ITGA2: variants seen among roughly 807,000 people sequenced by gnomAD.
ITGA2 encodes integrin alpha-2.
Under a neutral mutation model 146.3 loss-of-function variants are expected in ITGA2, and 101 were observed. The ratio of observed to expected loss-of-function variants is 0.69; its 90% CI spans 0.59 to 0.81. The LOEUF (loss-of-function observed/expected upper bound fraction) is 0.81, where lower values mean the gene tolerates loss of function less well. Ranked by LOEUF, ITGA2 falls within the 40% of genes least tolerant of loss-of-function variation. ITGA2 has a pLI of 0.00. For missense variants in ITGA2, 1,281 were observed against 1,402.7 expected, an observed-to-expected ratio of 0.91 and a Z score of 1.39; for synonymous variants, 477 against 487.1, an observed-to-expected ratio of 0.98 and a Z score of 0.27.
At chr5:53,024,709 G>T (rs990277095) in intron 1 of ITGA2, among the ~76,000 whole-genome samples, 9 of 152,204 alleles carry the variant, frequency 5.9e-5, no homozygotes, top group Non-Finnish European at 2.9e-5. Flanking sequence ...GGAACAGGCA[G>T]CTGCAAAGCG....
At chr5:53,013,489 C>A (rs553305083) in intron 1 of ITGA2, among the ~76,000 whole-genome samples, 1 of 151,980 alleles carries the variant, frequency 6.6e-6, no homozygotes, top group South Asian at 2.1e-4. Flanking sequence ...GTACCAGTAC[C>A]ATGTTGTTTT....
intron 1 of ITGA2, among the ~76,000 whole-genome samples, chr5:53,005,144 G>C (rs887967454): frequency 6.6e-6 from 1 of 151,852 alleles, no homozygotes; most frequent in African/African-American, 2.4e-5. Flanking sequence ...GTCAGGGTCT[G>C]AGTAACCCCA....
At position 53,073,127 on chromosome 5, in the gene ITGA2, C is replaced by T. The variant is rs371216954; in HGVS notation, c.2439C>T (p.Pro813=). 2.5e-5 allele frequency: 41 copies of T among 1,611,898 alleles called. No homozygotes were observed. In the Middle Eastern group the frequency reaches 6.6e-4, roughly 26 times the overall value. Residue 813 remains proline (P), a synonymous_variant, in exon 20 of 30, where the codon CCC becomes CCT. Transcript: ENST00000296585. ...TTTTTACTTTTAACAGAGAACAACC[C>T]TTTATTGTCAGCAACCAAAACAAAA... is the stretch of plus-strand genomic sequence containing the variant. ...VRQIPAAQEQ[P]FIVSNQNKRL... is the part of the protein sequence containing the mutation.
In ITGA2 at chr5:53,072,524, T is replaced by C. The variant is rs1372427194; in HGVS notation, c.2347-89T>C. ...GAACATTGTTTGGTTTTGTACTTTA[T>C]GTAAATAGAATAATATTCTATGTAT... is the stretch of plus-strand genomic sequence containing the variant. On this transcript the variant is annotated intron_variant, in intron 18 of 29. Transcript: ENST00000296585. 4 of 838,244 alleles carry C rather than the reference T, an allele frequency of 4.8e-6. No homozygotes were observed. The African/African-American group carries it at 5.1e-5, about 11-fold the overall frequency. 51.9% of individuals were successfully genotyped at this position (838,244 alleles called of 1,614,324 possible). A position where few individuals can be genotyped will look rare whatever the true frequency, so the allele number is the denominator to read the frequency against.
chr5:53,058,133 G>T, intron 10 of ITGA2, 32 bp downstream of exon 10: 1 of 1,508,380 alleles, frequency 6.6e-7, no homozygotes, highest in Non-Finnish European at 9.2e-7. Context: ...AAGCCATGTT[G>T]TCATTTGGCA....
chr5:53,075,809 G>T (rs138183206), intron 23 of ITGA2, among the ~76,000 whole-genome samples: 44 of 152,130 alleles, frequency 2.9e-4, no homozygotes, highest in African/African-American at 1.0e-3. Context: ...ACTAGATCAA[G>T]TCTAGTTTCT....
rs1392945070 is a variant in ITGA2 at position 53,059,875 on chromosome 5, A to G, written c.1175A>G (p.Asp392Gly). 5.0e-6 allele frequency: 8 copies of G among 1,611,666 alleles called. No individual in the cohort carries two copies. In the South Asian group the frequency reaches 7.7e-5, roughly 15 times the overall value. Reference sequence around the variant, plus strand: ...ATCTTCATTTTTCAATTATTTTAGGATATTCTGATGCTGGGTGCAGTGGGA... The same window carrying G: ...ATCTTCATTTTTCAATTATTTTAGGGTATTCTGATGCTGGGTGCAGTGGGA... ...GFSADYSSQN[D>G]ILMLGAVGAF... is the part of the protein sequence containing the mutation. The change falls in exon 11 of 30, where the codon GAT becomes GGT. Residue 392 changes from aspartate (D) to glycine (G), a missense_variant and splice_region_variant. Transcript: ENST00000296585.
At chr5:52,992,404 A>G (rs918281871) in intron 1 of ITGA2, among the ~76,000 whole-genome samples, 2 of 152,144 alleles carry the variant, frequency 1.3e-5, no homozygotes, top group Admixed American at 6.5e-5. Context: ...TCCATCAGCC[A>G]CCAAATTTCT....
At chr5:53,048,534 A>G in intron 5 of ITGA2, 57 bp downstream of exon 5, 1 of 1,606,746 alleles carries the variant, frequency 6.2e-7, no homozygotes, top group East Asian at 2.2e-5. Context: ...AGGAGGGGGA[A>G]AAGGTTATCA....
At chr5:53,047,515 T>C (rs1744150039) in intron 4 of ITGA2, among the ~76,000 whole-genome samples, 1 of 152,176 alleles carries the variant, frequency 6.6e-6, no homozygotes, top group African/African-American at 2.4e-5. Context: ...CTGCAGTTAA[T>C]TGGGAAGTGG....
chr5:53,081,841 T>G, intron 26 of ITGA2, 145 bp downstream of exon 26: 1 of 641,688 alleles, frequency 1.6e-6, no homozygotes, highest in Non-Finnish European at 2.8e-6. Flanking sequence ...TAGAAAATAT[T>G]AGGTTGGTGC....
chr5:53,005,886 C>T (rs6859355), intron 1 of ITGA2, among the ~76,000 whole-genome samples: 55,880 of 151,974 alleles, frequency 0.37, 10,838 homozygotes, highest in Non-Finnish European at 0.43. Flanking sequence ...TTAGGCACTG[C>T]GATATACTAC....
intron 1 of ITGA2, among the ~76,000 whole-genome samples, chr5:53,011,538 C>T (rs1561088853): frequency 1.3e-5 from 2 of 152,128 alleles, no homozygotes; most frequent in Non-Finnish European, 2.9e-5. Context: ...TCCTTAGTGG[C>T]CCTGCCTCTT....
At chr5:52,990,848 C>T (rs1579763174) in intron 1 of ITGA2, among the ~76,000 whole-genome samples, 1 of 152,212 alleles carries the variant, frequency 6.6e-6, no homozygotes, top group East Asian at 1.9e-4. Flanking sequence ...GCCACCAACC[C>T]TAATCTACGG....
intron 1 of ITGA2, among the ~76,000 whole-genome samples, chr5:53,009,930 C>G (rs911394342): frequency 6.6e-6 from 1 of 152,158 alleles, no homozygotes; most frequent in African/African-American, 2.4e-5. Context: ...AAGAAATAAA[C>G]TTCTGTTGTT....
intron 1 of ITGA2, among the ~76,000 whole-genome samples, chr5:53,003,124 A>C (rs1042399563): frequency 6.6e-6 from 1 of 152,072 alleles, no homozygotes; most frequent in Non-Finnish European, 1.5e-5. Flanking sequence ...TAAGCTACCC[A>C]TTGGGGCTCC....
At chr5:53,082,386 C>A (rs1290483502) in intron 26 of ITGA2, among the ~76,000 whole-genome samples, 1 of 152,120 alleles carries the variant, frequency 6.6e-6, no homozygotes, top group Non-Finnish European at 1.5e-5. Flanking sequence ...AAACAGGAAA[C>A]CAGAAGAATA....
chr5:53,070,062 A>G (rs757630078), intron 16 of ITGA2, 47 bp from the exon 17 acceptor site: 21 of 1,503,192 alleles, frequency 1.4e-5, no homozygotes, highest in African/African-American at 2.8e-5. Flanking sequence ...GCTTTTTCCT[A>G]TAAGTTGATT....
intron 1 of ITGA2, among the ~76,000 whole-genome samples, chr5:53,009,721 A>G (rs188572115): frequency 1.3e-5 from 2 of 152,220 alleles, no homozygotes; most frequent in South Asian, 2.1e-4. Context: ...TCCAAAATGC[A>G]TGTGTTGAAA....
Sources: gnomAD v4.1 joint callset for allele counts (sites outside exome capture counted in the v4.1 genomes callset) on GRCh38, gnomAD v4.1.1 for gene constraint, MANE v1.5 for transcripts, NCBI Gene and HGNC (gene_info 2026-07-23, HGNC 2026-07-21) for gene names.